Variants in PCDH11X observed in about 807,000 individuals in gnomAD.
PCDH11X encodes protocadherin 11 X-linked, also known as protocadherin-11 X-linked.
Under a neutral mutation model 53.3 loss-of-function variants are expected in PCDH11X, and 18 were observed. That is an observed-to-expected ratio of 0.34 (90% CI 0.23 to 0.50). The LOEUF (loss-of-function observed/expected upper bound fraction) is 0.50, where lower values mean the gene tolerates loss of function less well. Ranked by LOEUF, PCDH11X falls within the 20% of genes least tolerant of loss-of-function variation. The pLI, the probability that PCDH11X is intolerant of heterozygous loss-of-function variation, is 0.98. For synonymous variants in PCDH11X, 279 were observed against 393.3 expected (o/e 0.71, Z 3.44); for missense variants, 570 against 1,032.4 (o/e 0.55, Z 6.14).
intron 8 of PCDH11X, among the ~76,000 whole-genome samples, chrX:92,360,219 C>T (rs144849695): frequency 5.5e-3 from 616 of 111,147 alleles, no homozygotes; most frequent in African/African-American, 0.019. Context: ...ACATTGTATA[C>T]AGTACTTTAT....
intron 6 of PCDH11X, among the ~76,000 whole-genome samples, chrX:92,059,725 T>C (rs1471339489): frequency 9.0e-6 from 1 of 110,676 alleles, no homozygotes; most frequent in Non-Finnish European, 1.9e-5. Context: ...GGCACACTGA[T>C]TTTTATGATG....
At chrX:92,054,969 T>C (rs1161360685) in intron 6 of PCDH11X, among the ~76,000 whole-genome samples, 1 of 86,183 alleles carries the variant, frequency 1.2e-5, no homozygotes, top group Non-Finnish European at 2.2e-5. Flanking sequence ...ACTATAAATA[T>C]ATACTTTAGA....
intron 9 of PCDH11X, among the ~76,000 whole-genome samples, chrX:92,433,285 A>T (rs2072292389): frequency 9.0e-6 from 1 of 111,051 alleles, no homozygotes; most frequent in Admixed American, 9.6e-5. Context: ...AAATAAATAT[A>T]GTGAGGAAAT....
At position 91,802,135 on chromosome X, in the gene PCDH11X, C is replaced by T. The variant is rs144867615; in HGVS notation, c.-378-7331C>T. On this transcript the variant is annotated intron_variant, in intron 1 of 10. Coordinates refer to ENST00000682573, the MANE Select transcript of PCDH11X (RefSeq NM_032968.5). ...GCACACATTAGGAAAGATGGAGTAA[C>T]ATGTCTATCTAAGTTGTTGTTGGCA... Among the ~76,000 whole-genome samples the T allele has an allele frequency of 9.1e-3, 1,032 of 113,123 alleles. 13 individuals are homozygous for T. The highest frequency in any genetic ancestry group is 0.068 in the South Asian group (189 of 2,787).
Position 92,439,264 on chromosome X carries a change from A to G in PCDH11X, c.3344-29035A>G, listed in dbSNP as rs1320218624. The stretch of plus-strand genomic sequence containing the variant: ...AGGTAAGAACACCAAGTGGGCTACA[A>G]TAATAACAATTAATCTTATATATTA... On this transcript the variant is annotated intron_variant, in intron 9 of 10. Transcript: ENST00000682573. Among the ~76,000 whole-genome samples the G allele has an allele frequency of 8.9e-5, 10 of 111,744 alleles. No individual in the cohort carries two copies. The East Asian group carries it at 2.5e-3, about 28-fold the overall frequency.
chrX:92,375,142 TTATA>T (rs1260512423), intron 8 of PCDH11X, among the ~76,000 whole-genome samples: 138 of 12,978 alleles, frequency 0.011, 2 homozygotes, highest in East Asian at 0.029. Context: ...TTCCATTCAT[TTATA>T]TATATATATA....
At chrX:92,018,496 A>T (rs1172944260) in intron 6 of PCDH11X, among the ~76,000 whole-genome samples, 2 of 112,143 alleles carry the variant, frequency 1.8e-5, no homozygotes, top group Non-Finnish European at 3.8e-5. Context: ...CTGATTAAAT[A>T]TTCCAAAAGT....
chrX:92,395,173 T>G (rs2071217035), intron 9 of PCDH11X, among the ~76,000 whole-genome samples: 1 of 111,443 alleles, frequency 9.0e-6, no homozygotes, highest in South Asian at 3.7e-4. Flanking sequence ...GAAATGTTTG[T>G]ATGTTATCTA....
intron 6 of PCDH11X, among the ~76,000 whole-genome samples, chrX:92,154,535 G>A (rs963818655): frequency 9.4e-6 from 1 of 105,847 alleles, no homozygotes; most frequent in Non-Finnish European, 1.9e-5. Context: ...CTGCTTTCCC[G>A]CCCAAATGTT....
At chrX:92,353,035 TACCATTTTTCTCAGTATCC>T (rs2070095886) in intron 8 of PCDH11X, among the ~76,000 whole-genome samples, 1 of 111,842 alleles carries the variant, frequency 8.9e-6, no homozygotes, top group Non-Finnish European at 1.9e-5. Context: ...GCCTTCTATC[TACCATTTTTCTCAGTATCC>T]ACCCAGAACA....
Position 91,944,023 on chromosome X carries a change from TTGTGTGTGTGTGTG to T in PCDH11X, c.3033+64776_3033+64789del, listed in dbSNP as rs755497548. Among the ~76,000 whole-genome samples the T allele has an allele frequency of 1.3e-4, 8 of 63,949 alleles. 1 individual carries two copies. The highest frequency in any genetic ancestry group is 1.8e-4 in the Non-Finnish European group (6 of 33,434). The allele number at this position is 63,949 out of a possible 115,157, so 55.5% of individuals were successfully genotyped here. On this transcript the variant is annotated intron_variant, in intron 6 of 10. Coordinates refer to ENST00000682573, the MANE Select transcript of PCDH11X (RefSeq NM_032968.5). Reference sequence around the variant, plus strand: ...ATATCCCAAAGCTGTATCTCCTGGATTGTGTGTGTGTGTGTGTGTGTGTGTGTGTGTGTGTGTGT... The same window carrying T: ...ATATCCCAAAGCTGTATCTCCTGGATTGTGTGTGTGTGTGTGTGTGTGTGT...
chrX:91,805,734 G>A (rs1236448076), intron 1 of PCDH11X, among the ~76,000 whole-genome samples: 1 of 107,977 alleles, frequency 9.3e-6, no homozygotes, highest in Non-Finnish European at 1.9e-5. Flanking sequence ...ACTGAAGTGG[G>A]AGTATGACTT....
intron 6 of PCDH11X, among the ~76,000 whole-genome samples, chrX:91,889,592 C>T (rs1011701185): frequency 1.8e-5 from 2 of 112,404 alleles, no homozygotes; most frequent in Non-Finnish European, 3.7e-5. Context: ...GGATTACAGG[C>T]GTGAGCCAGC....
At chrX:92,505,152 C>CTTTTTTTTTTTTTTTTTTT (rs58620449) in intron 10 of PCDH11X, among the ~76,000 whole-genome samples, 8 of 64,271 alleles carry the variant, frequency 1.2e-4, no homozygotes, top group African/African-American at 4.6e-4. Flanking sequence ...TTTCTTTTTT[C>CTTTTTTTTTTTTTTTTTTT]TTTTTTTTTT....
At chrX:92,604,378 A>G (rs1371300519) in intron 10 of PCDH11X, among the ~76,000 whole-genome samples, 1 of 110,241 alleles carries the variant, frequency 9.1e-6, no homozygotes, top group Non-Finnish European at 1.9e-5. Context: ...TTAAGTCAAA[A>G]ACAACTATGA....
chrX:92,544,608 C>G (rs766177252), intron 10 of PCDH11X, among the ~76,000 whole-genome samples: 60 of 108,727 alleles, frequency 5.5e-4, no homozygotes, highest in African/African-American at 2.0e-3. Context: ...ATGTGAACTC[C>G]CTTTGGTCTT....
chrX:92,057,741 C>T (rs2063469808), intron 6 of PCDH11X, among the ~76,000 whole-genome samples: 1 of 101,465 alleles, frequency 9.9e-6, no homozygotes, highest in Non-Finnish European at 2.0e-5. Context: ...TAAACTTATA[C>T]CATTCATATA....
At chrX:91,850,034 A>T (rs1047602917) in intron 5 of PCDH11X, among the ~76,000 whole-genome samples, 1 of 107,531 alleles carries the variant, frequency 9.3e-6, no homozygotes, top group African/African-American at 3.4e-5. Context: ...ATAGGATTAG[A>T]TAAGCTCAAA....
chrX:92,613,907 A>G (rs1261662655), intron 10 of PCDH11X, among the ~76,000 whole-genome samples: 2 of 109,549 alleles, frequency 1.8e-5, no homozygotes, highest in African/African-American at 3.3e-5. Context: ...AAGCTCTGAA[A>G]TTATTTCTTC....
Sources: allele counts gnomAD v4.1 joint callset (sites outside exome capture counted in the v4.1 genomes callset), GRCh38; gene constraint gnomAD v4.1.1; transcripts MANE v1.5; gene names NCBI Gene and HGNC (gene_info 2026-07-23, HGNC 2026-07-21).